The following NWD2 variants were observed in gnomAD, a reference collection of about 807,000 sequenced individuals.
The protein encoded by NWD2 is NACHT and WD repeat domain-containing protein 2.
A neutral mutation model predicts 132.7 loss-of-function variants in NWD2; 37 were observed. The observed-to-expected ratio is 0.28, with a 90% confidence interval of 0.21 to 0.37. The LOEUF (loss-of-function observed/expected upper bound fraction) is 0.37, where lower values mean the gene tolerates loss of function less well. Ranked by LOEUF, NWD2 falls within the 10% of genes least tolerant of loss-of-function variation. The pLI, the probability that NWD2 is intolerant of heterozygous loss-of-function variation, is 1.00. For missense variants in NWD2, 1,592 were observed against 2,122.4 expected, an observed-to-expected ratio of 0.75 and a Z score of 4.91; for synonymous variants, 705 against 803.0, an observed-to-expected ratio of 0.88 and a Z score of 2.06.
chr4:37,290,454 G>T (rs1004907097), intron 1 of NWD2, among the ~76,000 whole-genome samples: 1 of 152,168 alleles, frequency 6.6e-6, no homozygotes, highest in African/African-American at 2.4e-5. Context: ...TAAGTGTGAC[G>T]ATATCACAGA....
intron 3 of NWD2, among the ~76,000 whole-genome samples, chr4:37,399,814 G>A (rs1344234882): frequency 6.6e-6 from 1 of 152,148 alleles, no homozygotes. Context: ...ATATCACCTA[G>A]GAATTGCTTA....
At chr4:37,421,396 A>G (rs1711803949) in intron 3 of NWD2, among the ~76,000 whole-genome samples, 1 of 152,186 alleles carries the variant, frequency 6.6e-6, no homozygotes, top group South Asian at 2.1e-4. Flanking sequence ...CTTTGTTCTG[A>G]TATTTCTAAA....
At chr4:37,312,247 C>A (rs371289301) in intron 1 of NWD2, among the ~76,000 whole-genome samples, 1 of 151,382 alleles carries the variant, frequency 6.6e-6, no homozygotes, top group Non-Finnish European at 1.5e-5. Context: ...GATATTGATT[C>A]TTCCTACCCA....
rs149828319 is a variant in NWD2, at chr4:37,389,975, TCA to T, written c.357+33495_357+33496del. Among the ~76,000 whole-genome samples, 1,165 of 152,324 alleles carry T rather than the reference TCA, an allele frequency of 7.6e-3. 16 individuals are homozygous for T. Among genetic ancestry groups the T allele is most frequent in the African/African-American group, 0.027 (1,109 of 41,588 alleles). The stretch of plus-strand genomic sequence containing the variant: ...TTGTATTTCTGGTAGAGATGGGGTT[TCA>T]CCATGTTGGCCATCGTTGGCCAGGC... On this transcript the variant is annotated intron_variant, in intron 3 of 6. Transcript: ENST00000309447.
At chr4:37,381,509 C>T (rs931064253) in intron 3 of NWD2, among the ~76,000 whole-genome samples, 4 of 152,200 alleles carry the variant, frequency 2.6e-5, no homozygotes, top group Non-Finnish European at 5.9e-5. Flanking sequence ...GCAGGACTAC[C>T]TCCAACTCCA....
At chr4:37,314,119 A>G (rs544644687) in intron 1 of NWD2, among the ~76,000 whole-genome samples, 1 of 152,238 alleles carries the variant, frequency 6.6e-6, no homozygotes, top group Non-Finnish European at 1.5e-5. Context: ...ATTTACAAAC[A>G]TTAAAGTAAC....
chr4:37,417,081 C>A (rs971029470), intron 3 of NWD2, among the ~76,000 whole-genome samples: 1 of 152,052 alleles, frequency 6.6e-6, no homozygotes. Flanking sequence ...TTAACCAATA[C>A]CACCTGTTCC....
intron 2 of NWD2, among the ~76,000 whole-genome samples, chr4:37,335,666 A>G (rs73240377): frequency 0.13 from 19,807 of 151,650 alleles, 1,675 homozygotes; most frequent in South Asian, 0.26. Context: ...TCATAGGAAC[A>G]TGAACCCTAT....
chr4:37,393,205 A>G (rs1322853584), intron 3 of NWD2, among the ~76,000 whole-genome samples: 4 of 140,556 alleles, frequency 2.8e-5, no homozygotes, highest in South Asian at 2.3e-4. Flanking sequence ...TTGGGGGGAG[A>G]CTCTGACCTT....
rs879492707 is a variant in NWD2, at chr4:37,446,708, C to T, written c.4720C>T (p.Arg1574Trp). Residue 1574 changes from arginine to tryptophan, a missense_variant, in exon 7 of 7, where the codon CGG (arginine) becomes TGG (tryptophan). This residue lies in a region of NWD2 where 257 missense variants were observed against 335.0 expected (regional missense o/e 0.77). Transcript: ENST00000309447. The surrounding 1 kb of genome is among the most constrained non-coding windows in gnomAD (Gnocchi z 6.7). ...SGIIWRQRLS[R>W]DGRYLVYICF... Reference sequence around the variant, plus strand: ...GATCATCTGGCGGCAGAGGTTGTCTCGGGATGGTCGCTACCTGGTATACAT... The same window carrying T: ...GATCATCTGGCGGCAGAGGTTGTCTTGGGATGGTCGCTACCTGGTATACAT... 7.1e-6 allele frequency: 11 copies of T among 1,551,364 alleles called. No homozygotes were observed. In the East Asian group the frequency reaches 9.8e-5, roughly 14 times the overall value.
chr4:37,301,571 C>A (rs534742743), intron 1 of NWD2, among the ~76,000 whole-genome samples: 1 of 150,460 alleles, frequency 6.6e-6, no homozygotes, highest in South Asian at 2.1e-4. Context: ...TTGCTCTTTA[C>A]CCTTTTTTTC....
At chr4:37,425,491 A>G (rs1017783092) in intron 3 of NWD2, among the ~76,000 whole-genome samples, 1 of 152,188 alleles carries the variant, frequency 6.6e-6, no homozygotes, top group African/African-American at 2.4e-5. Flanking sequence ...GTGACTATAG[A>G]TTTCTACAGA....
chr4:37,269,675 C>G (rs1256409145), intron 1 of NWD2, among the ~76,000 whole-genome samples: 1 of 151,870 alleles, frequency 6.6e-6, no homozygotes, highest in African/African-American at 2.4e-5. Context: ...GTAGTTCATT[C>G]TTATCCATAA....
chr4:37,324,239 G>A (rs1048837517), intron 1 of NWD2, among the ~76,000 whole-genome samples: 1 of 152,054 alleles, frequency 6.6e-6, no homozygotes, highest in Non-Finnish European at 1.5e-5. Flanking sequence ...ACCTAGAAAT[G>A]AGTTAACATG....
chr4:37,273,748 A>G lies in NWD2; in HGVS notation c.151+28530A>G, dbSNP rs368730409. On this transcript the variant is annotated intron_variant, in intron 1 of 6. Transcript: ENST00000309447. The stretch of plus-strand genomic sequence containing the variant: ...CAAACTGTTTCTTAGACCACAGTGC[A>G]ATCAAACTAAACTCAGGATTAAGAA... Among the ~76,000 whole-genome samples the G allele has an allele frequency of 1.1e-4, 17 of 152,326 alleles. No individual in the cohort carries two copies. The South Asian group carries it at 3.3e-3, about 30-fold the overall frequency.
At chr4:37,394,606 C>A (rs1160586684) in intron 3 of NWD2, among the ~76,000 whole-genome samples, 1 of 152,084 alleles carries the variant, frequency 6.6e-6, no homozygotes, top group Non-Finnish European at 1.5e-5. Flanking sequence ...ATGTGCTCTG[C>A]AGCATCACTA....
At chr4:37,403,957 T>C (rs1395165892) in intron 3 of NWD2, among the ~76,000 whole-genome samples, 1 of 152,206 alleles carries the variant, frequency 6.6e-6, no homozygotes, top group South Asian at 2.1e-4. Context: ...AATTAGCATC[T>C]TGTAGTTCAT....
intron 6 of NWD2, among the ~76,000 whole-genome samples, chr4:37,442,836 A>G (rs1712522615): frequency 6.6e-6 from 1 of 152,128 alleles, no homozygotes; most frequent in South Asian, 2.1e-4. Flanking sequence ...TAATGCATAT[A>G]TTTAACTTAA....
intron 1 of NWD2, among the ~76,000 whole-genome samples, chr4:37,266,460 C>T (rs1232265107): frequency 6.6e-6 from 1 of 152,024 alleles, no homozygotes; most frequent in Non-Finnish European, 1.5e-5. Flanking sequence ...AGTTTTACAA[C>T]TTTTAGCCAG....
Sources: allele counts gnomAD v4.1 joint callset (sites outside exome capture counted in the v4.1 genomes callset), GRCh38; gene constraint gnomAD v4.1.1; regional missense constraint gnomAD v4.1.1; non-coding constraint Gnocchi (gnomAD v3.1); transcripts MANE v1.5; gene names NCBI Gene and HGNC (gene_info 2026-07-23, HGNC 2026-07-21).